Variants in MGMT observed in about 807,000 individuals in gnomAD.
MGMT encodes O-6-methylguanine-DNA methyltransferase.
Under a neutral mutation model 15.9 loss-of-function variants are expected in MGMT, and 14 were observed. That is an observed-to-expected ratio of 0.88 (90% CI 0.58 to 1.37). The LOEUF (loss-of-function observed/expected upper bound fraction) is 1.37, where lower values mean the gene tolerates loss of function less well. Among genes scored for constraint, MGMT ranks in the 40% most tolerant of loss-of-function variants. The pLI is 0.00. For missense variants in MGMT, 282 were observed against 268.1 expected (o/e 1.05, Z -0.36); for synonymous variants, 130 against 118.2 (o/e 1.10, Z -0.65).
rs1848977170 is a variant in MGMT, at chr10:129,769,493, A to G, written c.*2496A>G. On this transcript the variant is annotated 3_prime_UTR_variant, in exon 5 of 5. Transcript: ENST00000651593. ...TCCCCCTCACCCTGTCGCATTTCCC[A>G]GCACTGTGATGCTTTGAAGGCCGAC... is the stretch of plus-strand genomic sequence containing the variant. 1 of 152,110 alleles carries G rather than the reference A, an allele frequency of 6.6e-6. No individual in the cohort carries two copies. The highest frequency in any genetic ancestry group is 6.5e-5 in the Admixed American group (1 of 15,272). 9.4% of individuals were successfully genotyped at this position (152,110 alleles called of 1,614,324 possible).
At chr10:129,491,521 A>G (rs1052461296) in intron 1 of MGMT, among the ~76,000 whole-genome samples, 2 of 151,992 alleles carry the variant, frequency 1.3e-5, no homozygotes, top group African/African-American at 2.4e-5. Context: ...GATCCCTTCA[A>G]ATATTGCTCT....
chr10:129,722,174 C>G (rs971507337), intron 3 of MGMT, among the ~76,000 whole-genome samples: 1 of 151,910 alleles, frequency 6.6e-6, no homozygotes, highest in South Asian at 2.1e-4. Context: ...TTGAAAATAA[C>G]TATTAAAACC....
chr10:129,534,188 C>T (rs1271443151), intron 1 of MGMT, among the ~76,000 whole-genome samples: 1 of 152,192 alleles, frequency 6.6e-6, no homozygotes, highest in Non-Finnish European at 1.5e-5. Context: ...TTTGCACCCC[C>T]TGCCTTTATC....
chr10:129,557,238 A>G (rs974813129), intron 2 of MGMT, among the ~76,000 whole-genome samples: 2 of 152,108 alleles, frequency 1.3e-5, no homozygotes, highest in African/African-American at 4.8e-5. Context: ...TGTAAAATGT[A>G]CTCGCCCTGT....
At chr10:129,598,188 C>T (rs1488075028) in intron 2 of MGMT, among the ~76,000 whole-genome samples, 1 of 152,142 alleles carries the variant, frequency 6.6e-6, no homozygotes, top group Admixed American at 6.5e-5. Flanking sequence ...TGGAGCATCC[C>T]TGGTCGAGTG....
chr10:129,581,365 T>A (rs1846553624), intron 2 of MGMT, among the ~76,000 whole-genome samples: 1 of 152,172 alleles, frequency 6.6e-6, no homozygotes, highest in African/African-American at 2.4e-5. Context: ...ACTTGAGACC[T>A]GCCATTCCTC....
intron 3 of MGMT, among the ~76,000 whole-genome samples, chr10:129,746,635 T>A (rs1293853927): frequency 6.6e-6 from 1 of 152,164 alleles, no homozygotes; most frequent in Non-Finnish European, 1.5e-5. Flanking sequence ...CTTCAGTAGG[T>A]CTATTTTGGA....
At chr10:129,685,262 CAA>C (rs1847892790) in intron 2 of MGMT, among the ~76,000 whole-genome samples, 1 of 152,200 alleles carries the variant, frequency 6.6e-6, no homozygotes, top group African/African-American at 2.4e-5. Flanking sequence ...ATGACTTGAA[CAA>C]GACTGCTTAG....
intron 2 of MGMT, among the ~76,000 whole-genome samples, chr10:129,629,260 G>A (rs1179223917): frequency 1.3e-5 from 2 of 152,162 alleles, no homozygotes; most frequent in East Asian, 3.9e-4. Flanking sequence ...TAAACCCTTA[G>A]TACTGCATGA....
intron 1 of MGMT, among the ~76,000 whole-genome samples, chr10:129,469,207 C>T (rs1315893530): frequency 2.0e-5 from 3 of 152,160 alleles, no homozygotes; most frequent in Non-Finnish European, 4.4e-5. Context: ...GTTTGTTCCT[C>T]TCCAGTCCTC....
At chr10:129,488,867 G>T (rs1024779991) in intron 1 of MGMT, among the ~76,000 whole-genome samples, 1 of 152,080 alleles carries the variant, frequency 6.6e-6, no homozygotes, top group Non-Finnish European at 1.5e-5. Flanking sequence ...TGACAAACAT[G>T]TGACATGTGG....
At chr10:129,676,820 C>G (rs1057284725) in intron 2 of MGMT, among the ~76,000 whole-genome samples, 1 of 152,008 alleles carries the variant, frequency 6.6e-6, no homozygotes, top group Non-Finnish European at 1.5e-5. Context: ...ATATACTTTA[C>G]TTTTTTAGCA....
chr10:129,513,664 A>G (rs1845708084), intron 1 of MGMT, among the ~76,000 whole-genome samples: 1 of 152,220 alleles, frequency 6.6e-6, no homozygotes, highest in Non-Finnish European at 1.5e-5. Flanking sequence ...GGTGTTCAGC[A>G]TCGGAAAACA....
intron 3 of MGMT, among the ~76,000 whole-genome samples, chr10:129,711,167 C>T (rs1461937777): frequency 6.6e-6 from 1 of 152,204 alleles, no homozygotes; most frequent in African/African-American, 2.4e-5. Context: ...CTTCGCGGTA[C>T]CACCTCACCT....
intron 1 of MGMT, among the ~76,000 whole-genome samples, chr10:129,522,473 C>T (rs1845824661): frequency 6.6e-6 from 1 of 152,224 alleles, no homozygotes; most frequent in African/African-American, 2.4e-5. Flanking sequence ...CCCCATCCCA[C>T]AGTGCTCTTT....
chr10:129,717,269 T>C (rs1324040118), intron 3 of MGMT, among the ~76,000 whole-genome samples: 1 of 152,252 alleles, frequency 6.6e-6, no homozygotes, highest in Non-Finnish European at 1.5e-5. Flanking sequence ...TTTGGGGTTT[T>C]AATTAAATTT....
rs1845621567 is a variant in MGMT, at chr10:129,506,023, TGCA to T, written c.-12-30214_-12-30212del. The stretch of plus-strand genomic sequence containing the variant: ...CAGTTGCTATTTTTTTTTTTTTTTT[TGCA>T]GCATTTCCTCACTAGGCCAGTGGTT... On this transcript the variant is annotated intron_variant, in intron 1 of 4. Transcript: ENST00000651593. 2.0e-5 allele frequency among the ~76,000 whole-genome samples: 3 copies of T among 151,274 alleles called. No homozygotes were observed. In the South Asian group the frequency reaches 6.3e-4, roughly 32 times the overall value.
In MGMT at chr10:129,467,270, C is replaced by T. The variant is rs778731655; in HGVS notation, c.-39C>T. 75 of 1,544,962 alleles carry T rather than the reference C, an allele frequency of 4.9e-5. No individual in the cohort carries two copies. Among genetic ancestry groups the T allele is most frequent in the Middle Eastern group, 3.3e-4 (2 of 5,996 alleles). On this transcript the variant is annotated 5_prime_UTR_variant, in exon 1 of 5. Transcript: ENST00000651593. ...CTTTGCGTCCCGACGCCCGCAGGTC[C>T]TCGCGGTGCGCACCGTTTGCGACTT...
At chr10:129,712,949 G>A (rs1274858514) in intron 3 of MGMT, among the ~76,000 whole-genome samples, 1 of 152,138 alleles carries the variant, frequency 6.6e-6, no homozygotes, top group African/African-American at 2.4e-5. Flanking sequence ...GCCCGTTTGG[G>A]TGTTCTTAAA....
Sources: allele counts gnomAD v4.1 joint callset (sites outside exome capture counted in the v4.1 genomes callset), GRCh38; gene constraint gnomAD v4.1.1; transcripts MANE v1.5; gene names NCBI Gene and HGNC (gene_info 2026-07-23, HGNC 2026-07-21).